The following IAH1 variants were observed in gnomAD, a reference collection of about 807,000 sequenced individuals.
IAH1 encodes isoamyl acetate hydrolyzing esterase 1 (putative), also known as isoamyl acetate-hydrolyzing esterase 1 homolog.
A neutral mutation model predicts 26.7 loss-of-function variants in IAH1; 24 were observed. That is an observed-to-expected ratio of 0.90 (90% CI 0.65 to 1.26). The LOEUF is 1.26. Ranked by LOEUF, IAH1 falls within the 50% of genes most tolerant of loss-of-function variation. The probability of loss-of-function intolerance (pLI) is 0.00; values close to 1 mark genes in which losing one functional copy is unlikely to be tolerated. For missense variants in IAH1, 300 were observed against 299.9 expected (o/e 1.00, Z 0.00); for synonymous variants, 140 against 118.5 (o/e 1.18, Z -1.18).
the IAH1 span, among the ~76,000 whole-genome samples, chr2:9,508,908 A>G: frequency 5.4e-4 from 83 of 152,318 alleles, no homozygotes; most frequent in Non-Finnish European, 9.0e-4. Flanking sequence ...AGGAAAAATA[A>G]AACATAACAT....
chr2:9,483,271 C>CT (rs570517946), intron 4 of IAH1, among the ~76,000 whole-genome samples: 1 of 152,114 alleles, frequency 6.6e-6, no homozygotes, highest in Non-Finnish European at 1.5e-5. Flanking sequence ...TTGAGATGGT[C>CT]TTGCTGTGTC....
At chr2:9,478,701 C>T (rs1442185522) in intron 3 of IAH1, among the ~76,000 whole-genome samples, 26 of 152,164 alleles carry the variant, frequency 1.7e-4, no homozygotes, top group Admixed American at 1.7e-3. Flanking sequence ...TGGCTTGCAT[C>T]ACACTGATGG....
chr2:9,478,736 G>A (rs1660973775), intron 3 of IAH1, among the ~76,000 whole-genome samples: 1 of 152,126 alleles, frequency 6.6e-6, no homozygotes, highest in Admixed American at 6.5e-5. Flanking sequence ...TCTTAGGGAG[G>A]GATATGTCAG....
chr2:9,511,838 G>C, the IAH1 span, among the ~76,000 whole-genome samples: 1 of 151,978 alleles, frequency 6.6e-6, no homozygotes, highest in Non-Finnish European at 1.5e-5. Flanking sequence ...AGGCATTGTG[G>C]TGGGCGCCTG....
downstream of IAH1, among the ~76,000 whole-genome samples, chr2:9,498,980 C>T (rs1662816048): frequency 6.6e-6 from 1 of 152,198 alleles, no homozygotes; most frequent in South Asian, 2.1e-4. Flanking sequence ...GCACAGACTG[C>T]TGGCCTCCCT....
the IAH1 span, among the ~76,000 whole-genome samples, chr2:9,506,576 A>G: frequency 6.6e-6 from 1 of 151,986 alleles, no homozygotes; most frequent in African/African-American, 2.4e-5. Context: ...CATGTTGACC[A>G]GGATGGTCTC....
intron 6 of IAH1, chr2:9,494,991 G>A: frequency 2.4e-6 from 1 of 408,644 alleles, no homozygotes; most frequent in Non-Finnish European, 4.4e-6. Context: ...AAAATGCAGA[G>A]AAAAATCCAT....
In IAH1 at chr2:9,484,456, C is replaced by A; in HGVS notation, c.470C>A (p.Ser157Tyr). The A allele has an allele frequency of 6.2e-7, 1 of 1,614,156 alleles. No individual in the cohort carries two copies. Among genetic ancestry groups the A allele is most frequent in the Non-Finnish European group, 8.5e-7 (1 of 1,179,988 alleles). ...IQGCKLNRLN[S>Y]VVGEYANACL... ...GGTTGCAAACTAAATCGCCTGAACTCTGTTGTTGGTGAATATGCCAATGCG... is the reference window on the plus strand; with the variant it reads ...GGTTGCAAACTAAATCGCCTGAACTATGTTGTTGGTGAATATGCCAATGCG... The change falls in exon 5 of 6, where the codon TCT (serine) becomes TAT (tyrosine). Residue 157 changes from serine (S) to tyrosine (Y), a missense_variant. Ser to Tyr is a moderately radical substitution (Grantham distance 144). Transcript: ENST00000497473.
At chr2:9,493,971 G>T (rs883399), downstream of IAH1, 1 of 612,184 alleles carries the variant, frequency 1.6e-6, no homozygotes, top group South Asian at 2.1e-5. Context: ...TAACTTCCGC[G>T]TAATGAGTAC....
chr2:9,494,947 A>C (rs1182810694), intron 6 of IAH1: 4 of 625,786 alleles, frequency 6.4e-6, no homozygotes, highest in Non-Finnish European at 1.0e-5. Flanking sequence ...CACACTCCTC[A>C]GCCTTCAGTG....
the IAH1 span, chr2:9,505,597 T>C: frequency 1.9e-6 from 1 of 532,292 alleles, no homozygotes; most frequent in Non-Finnish European, 3.4e-6. Flanking sequence ...GGATCTATAA[T>C]TCTTCTTACG....
Position 9,478,254 on chromosome 2 carries a change from G to A in IAH1, c.167G>A (p.Gly56Asp), listed in dbSNP as rs1356883482. The A allele has an allele frequency of 6.2e-7, 1 of 1,610,988 alleles. No individual in the cohort carries two copies. ...GATGTTCTGAATCGTGGATTTTCAGGTTACAATACCAGGTGGGCCAAAATT... is the reference window on the plus strand; with the variant it reads ...GATGTTCTGAATCGTGGATTTTCAGATTACAATACCAGGTGGGCCAAAATT... ...KCDVLNRGFSGYNTRWAKIIL... is the reference protein window; with the variant it reads ...KCDVLNRGFSDYNTRWAKIIL... The change falls in exon 3 of 6, where the codon GGT (glycine) becomes GAT (aspartate). Residue 56 changes from glycine (G) to aspartate (D), a missense_variant. Transcript: ENST00000497473.
intron 3 of IAH1, among the ~76,000 whole-genome samples, chr2:9,478,998 C>T (rs1572835946): frequency 6.6e-6 from 1 of 152,158 alleles, no homozygotes; most frequent in Non-Finnish European, 1.5e-5. Context: ...TGTTACCCTA[C>T]TTGTGTCACA....
intron 6 of IAH1, among the ~76,000 whole-genome samples, chr2:9,495,450 C>T (rs1392068060): frequency 6.6e-6 from 1 of 152,228 alleles, no homozygotes; most frequent in Admixed American, 6.5e-5. Flanking sequence ...CAGTGGCTCT[C>T]GCTTGTAATC....
the IAH1 span, among the ~76,000 whole-genome samples, chr2:9,506,360 T>C: frequency 9.3e-6 from 1 of 107,432 alleles, no homozygotes; most frequent in Admixed American, 8.7e-5. Context: ...TTCAAATCTG[T>C]TTTTTTTTTT....
intron 4 of IAH1, among the ~76,000 whole-genome samples, chr2:9,482,698 C>T (rs1159874083): frequency 1.3e-5 from 2 of 152,212 alleles, no homozygotes; most frequent in Non-Finnish European, 2.9e-5. Flanking sequence ...GTAGCTATGT[C>T]CCTTGCTCTC....
the IAH1 span, among the ~76,000 whole-genome samples, chr2:9,503,171 A>T: frequency 6.6e-6 from 1 of 151,620 alleles, no homozygotes; most frequent in African/African-American, 2.4e-5. Flanking sequence ...AAAAAAAAAA[A>T]GACAAGGTGG....
rs137926529 is a variant in IAH1, at chr2:9,488,402, T to C, written c.*73T>C. The C allele has an allele frequency of 3.2e-3, 3,923 of 1,236,354 alleles. 8 individuals carry two copies. Among genetic ancestry groups the C allele is most frequent in the Non-Finnish European group, 4.0e-3 (3,607 of 893,316 alleles). The allele number at this position is 1,236,354 out of a possible 1,614,324, so 76.6% of individuals were successfully genotyped here. A position where few individuals can be genotyped will look rare whatever the true frequency, so the allele number is the denominator to read the frequency against. Reference sequence around the variant, plus strand: ...TTGTCAATACGTAGAGGTACGCTTTTTTCCTCAGGCTTAAACCTTTGCCAC... The same window carrying C: ...TTGTCAATACGTAGAGGTACGCTTTCTTCCTCAGGCTTAAACCTTTGCCAC... On this transcript the variant is annotated 3_prime_UTR_variant, in exon 6 of 6. Transcript: ENST00000497473.
the IAH1 span, among the ~76,000 whole-genome samples, chr2:9,507,568 G>T: frequency 6.6e-6 from 1 of 151,950 alleles, no homozygotes; most frequent in Non-Finnish European, 1.5e-5. Context: ...CTTACAAGGG[G>T]ACTCCTACTT....
Sources: allele counts gnomAD v4.1 joint callset (sites outside exome capture counted in the v4.1 genomes callset), GRCh38; gene constraint gnomAD v4.1.1; transcripts MANE v1.5; gene names NCBI Gene and HGNC (gene_info 2026-07-23, HGNC 2026-07-21).